The following FAM135B variants were observed in gnomAD, a reference collection of about 807,000 sequenced individuals.
FAM135B encodes protein FAM135B.
FAM135B carries 43 observed loss-of-function variants against 127.7 expected under a neutral mutation model. The observed-to-expected ratio is 0.34, with a 90% CI of 0.26 to 0.43. FAM135B has a LOEUF of 0.43. Ranked by LOEUF, FAM135B falls within the 20% of genes least tolerant of loss-of-function variation. The probability of loss-of-function intolerance (pLI) is 1.00; values close to 1 mark genes in which losing one functional copy is unlikely to be tolerated. For synonymous variants in FAM135B, 670 were observed against 665.1 expected, an observed-to-expected ratio of 1.01 and a Z score of -0.11; for missense variants, 1,558 against 1,725.6, an observed-to-expected ratio of 0.90 and a Z score of 1.72.
intron 13 of FAM135B, among the ~76,000 whole-genome samples, chr8:138,150,387 T>C (rs1382367703): frequency 2.0e-5 from 3 of 152,148 alleles, no homozygotes; most frequent in Non-Finnish European, 2.9e-5. Flanking sequence ...TGAACAAAAT[T>C]GGCGGGGTAC....
intron 1 of FAM135B, among the ~76,000 whole-genome samples, chr8:138,428,941 G>A (rs1439171483): frequency 6.6e-6 from 1 of 152,174 alleles, no homozygotes; most frequent in African/African-American, 2.4e-5. Flanking sequence ...CTACTATGTA[G>A]GAGGCAGTGG....
chr8:138,294,347 T>C (rs1825328821), intron 3 of FAM135B, among the ~76,000 whole-genome samples: 1 of 152,192 alleles, frequency 6.6e-6, no homozygotes, highest in Admixed American at 6.5e-5. Flanking sequence ...CACTATATAA[T>C]TCATCCATAT....
At chr8:138,460,977 A>T (rs1418388062) in intron 1 of FAM135B, among the ~76,000 whole-genome samples, 2 of 152,216 alleles carry the variant, frequency 1.3e-5, no homozygotes, top group East Asian at 3.8e-4. Context: ...AAGCTCCTGT[A>T]TTCAGACAGC....
chr8:138,388,855 T>C (rs1832374254), intron 1 of FAM135B, among the ~76,000 whole-genome samples: 1 of 152,110 alleles, frequency 6.6e-6, no homozygotes, highest in African/African-American at 2.4e-5. Context: ...CATATAATGT[T>C]AGAGTATTCA....
chr8:138,228,524 A>G (rs1009865621), intron 7 of FAM135B, among the ~76,000 whole-genome samples: 6 of 152,056 alleles, frequency 3.9e-5, no homozygotes, highest in Admixed American at 2.0e-4. Context: ...GAATACAAGG[A>G]GATCTTTGAG....
chr8:138,383,823 A>G (rs1179724221), intron 1 of FAM135B, among the ~76,000 whole-genome samples: 1 of 152,130 alleles, frequency 6.6e-6, no homozygotes, highest in African/African-American at 2.4e-5. Context: ...CACCGTTCCA[A>G]TCAAACTGGG....
intron 1 of FAM135B, among the ~76,000 whole-genome samples, chr8:138,374,735 GGTAT>G (rs1456935365): frequency 2.0e-5 from 3 of 152,154 alleles, no homozygotes; most frequent in Non-Finnish European, 2.9e-5. Context: ...TGTCATTAGA[GGTAT>G]CCGAAAAGGG....
At chr8:138,397,377 G>A (rs532841150) in intron 1 of FAM135B, among the ~76,000 whole-genome samples, 1 of 152,322 alleles carries the variant, frequency 6.6e-6, no homozygotes, top group South Asian at 2.1e-4. Context: ...TAAGGGGTAT[G>A]AGGTTTCCTT....
At chr8:138,462,904 A>T (rs2131622475) in intron 1 of FAM135B, among the ~76,000 whole-genome samples, 1 of 152,314 alleles carries the variant, frequency 6.6e-6, no homozygotes, top group Middle Eastern at 3.4e-3. Context: ...GATGTTTCTG[A>T]GTGGTCAGTA....
intron 9 of FAM135B, among the ~76,000 whole-genome samples, chr8:138,184,750 C>T (rs939304028): frequency 2.0e-5 from 3 of 152,242 alleles, no homozygotes; most frequent in East Asian, 3.9e-4. Context: ...ACCTAAAGGG[C>T]GACCCCCAGT....
intron 1 of FAM135B, among the ~76,000 whole-genome samples, chr8:138,423,465 C>A (rs1834646175): frequency 6.6e-6 from 1 of 152,040 alleles, no homozygotes; most frequent in South Asian, 2.1e-4. Context: ...CTGGGGGAGA[C>A]ATCACATGTC....
At chr8:138,200,316 T>C (rs928925683) in intron 7 of FAM135B, among the ~76,000 whole-genome samples, 4 of 152,160 alleles carry the variant, frequency 2.6e-5, no homozygotes, top group African/African-American at 9.7e-5. Context: ...GGGTAACCCA[T>C]ATATTCACAT....
intron 15 of FAM135B, among the ~76,000 whole-genome samples, chr8:138,143,458 G>A (rs1817389422): frequency 6.6e-6 from 1 of 152,226 alleles, no homozygotes; most frequent in Admixed American, 6.5e-5. Context: ...AGGGGAGGCC[G>A]CCTATTCACC....
At chr8:138,419,402 A>C (rs1345673280) in intron 1 of FAM135B, among the ~76,000 whole-genome samples, 1 of 152,186 alleles carries the variant, frequency 6.6e-6, no homozygotes, top group Non-Finnish European at 1.5e-5. Context: ...GCCACACAAT[A>C]ATAATAGGAA....
At position 138,297,567 on chromosome 8, in the gene FAM135B, T is replaced by C. The variant is rs183573375; in HGVS notation, c.157+13274A>G. Among the ~76,000 whole-genome samples, 16 of 152,348 alleles carry C rather than the reference T, an allele frequency of 1.1e-4. No homozygotes were observed. The East Asian group carries it at 2.7e-3, about 26-fold the overall frequency. On this transcript the variant is annotated intron_variant, in intron 3 of 19. Coordinates refer to ENST00000395297, the MANE Select transcript of FAM135B (RefSeq NM_015912.4). ...AGCAACTGAAATAACATGTGTGTAG[T>C]TAACCTAGAGGTCAGTCCGTGGAAC...
intron 3 of FAM135B, among the ~76,000 whole-genome samples, chr8:138,283,182 T>C (rs1824396557): frequency 6.6e-6 from 1 of 152,094 alleles, no homozygotes. Flanking sequence ...GTTTTATTCA[T>C]AATTGCCAAA....
chr8:138,255,923 G>A (rs916220584), intron 5 of FAM135B, among the ~76,000 whole-genome samples: 1 of 152,142 alleles, frequency 6.6e-6, no homozygotes. Flanking sequence ...GGAAAGAAAG[G>A]GGGGATATGA....
chr8:138,303,804 A>G (rs1347020424), intron 3 of FAM135B, among the ~76,000 whole-genome samples: 1 of 152,156 alleles, frequency 6.6e-6, no homozygotes, highest in African/African-American at 2.4e-5. Context: ...GAGTACCCAC[A>G]TATGTTACCT....
chr8:138,365,590 T>C (rs555193007), intron 2 of FAM135B, among the ~76,000 whole-genome samples: 100 of 152,350 alleles, frequency 6.6e-4, no homozygotes, highest in African/African-American at 2.3e-3. Context: ...TGTGTATCAA[T>C]AGGCTTTTGT....
Sources: gnomAD v4.1 joint callset for allele counts (sites outside exome capture counted in the v4.1 genomes callset) on GRCh38, gnomAD v4.1.1 for gene constraint, MANE v1.5 for transcripts, NCBI Gene and HGNC (gene_info 2026-07-23, HGNC 2026-07-21) for gene names.